Variants in ZNF432 observed in about 807,000 individuals in gnomAD.
ZNF432 encodes zinc finger protein 432.
A neutral mutation model predicts 13.9 loss-of-function variants in ZNF432; 10 were observed. The observed-to-expected ratio is 0.72, with a 90% CI of 0.44 to 1.22. ZNF432 has a LOEUF of 1.22. Ranked by LOEUF, ZNF432 falls within the 50% of genes most tolerant of loss-of-function variation. The probability of loss-of-function intolerance (pLI) is 0.00; values close to 1 mark genes in which losing one functional copy is unlikely to be tolerated. For synonymous variants in ZNF432, 247 were observed against 256.2 expected (o/e 0.96, Z 0.34); for missense variants, 793 against 796.2 (o/e 1.00, Z 0.05).
intron 2 of ZNF432, among the ~76,000 whole-genome samples, chr19:52,044,471 TA>T (rs1179669486): frequency 1.3e-5 from 2 of 151,738 alleles, no homozygotes; most frequent in Non-Finnish European, 1.5e-5. Flanking sequence ...AATGACAGGC[TA>T]AAAAAAACTT....
chr19:52,035,518 GGT>G (rs2123146851), intron 4 of ZNF432, 78 bp from the exon 5 acceptor site: 1 of 1,199,758 alleles, frequency 8.3e-7, no homozygotes, highest in South Asian at 1.8e-5. Context: ...AAAAATCCTT[GGT>G]GTTTTATTTT....
At chr19:52,041,068 T>C (rs1451411256) in intron 3 of ZNF432, among the ~76,000 whole-genome samples, 1 of 151,918 alleles carries the variant, frequency 6.6e-6, no homozygotes, top group East Asian at 1.9e-4. Context: ...ACCACTACAT[T>C]CCAGCCTGAG....
rs185139354 is a variant in ZNF432 at position 52,032,293 on chromosome 19, A to T, written c.*1427T>A. ...TTGGCACAGAAAACACCTGTGTTAT[A>T]TATAGGATTAAAATTTAATCAGTGA... On this transcript the variant is annotated 3_prime_UTR_variant, in exon 5 of 5. Coordinates refer to ENST00000221315, the MANE Select transcript of ZNF432 (RefSeq NM_014650.4). 1 of 152,286 alleles carries T rather than the reference A, an allele frequency of 6.6e-6. No individual in the cohort carries two copies. The highest frequency in any genetic ancestry group is 1.9e-4 in the East Asian group (1 of 5,180). 9.4% of individuals were successfully genotyped at this position (152,286 alleles called of 1,614,324 possible). A position where few individuals can be genotyped will look rare whatever the true frequency, so the allele number is the denominator to read the frequency against.
Position 52,034,431 on chromosome 19 carries a change from A to G in ZNF432, c.1248T>C (p.Leu416=), listed in dbSNP as rs1485213781. The part of the protein sequence containing the change: ...CGKGFPRKSN[L]IVHQRNHTVE... ...CTGTATGATTTCTCTGATGTACAATAAGATTACTCTTCCTGGGAAAGCCTT... is the reference window on the plus strand; with the variant it reads ...CTGTATGATTTCTCTGATGTACAATGAGATTACTCTTCCTGGGAAAGCCTT... The change falls in exon 5 of 5, where the codon CTT becomes CTC. Residue 416 remains leucine (L), a synonymous_variant. Coordinates refer to ENST00000221315, the MANE Select transcript of ZNF432 (RefSeq NM_014650.4). 2 of 1,612,454 alleles carry G rather than the reference A, an allele frequency of 1.2e-6. No homozygotes were observed. The highest frequency in any genetic ancestry group is 1.1e-5 in the South Asian group (1 of 90,980).
chr19:52,034,720 C>A lies in ZNF432; in HGVS notation c.959G>T (p.Ser320Ile). Residue 320 changes from serine to isoleucine, a missense_variant, in exon 5 of 5, where the codon AGT (serine) becomes ATT (isoleucine). Ser to Ile is a moderately radical substitution (Grantham distance 142, BLOSUM62 -2). Transcript: ENST00000221315. ...NHTGEKSYICSECGKGFTGKS... is the reference protein window; with the variant it reads ...NHTGEKSYICIECGKGFTGKS... ...CCCAGTGAAGCCTTTTCCACATTCA[C>A]TACATATATAGGATTTCTCTCCAGT... The A allele has an allele frequency of 6.2e-7, 1 of 1,613,836 alleles. No homozygotes were observed. Among genetic ancestry groups the A allele is most frequent in the East Asian group, 2.2e-5 (1 of 44,854 alleles).
At chr19:52,043,761 C>T (rs7408572) in intron 2 of ZNF432, among the ~76,000 whole-genome samples, 1 of 152,226 alleles carries the variant, frequency 6.6e-6, no homozygotes, top group South Asian at 2.1e-4. Context: ...TTGTAAAGCA[C>T]TGAGATGTTT....
At position 52,035,344 on chromosome 19, in the gene ZNF432, T is replaced by C. The variant is rs1382667930; in HGVS notation, c.335A>G (p.Asn112Ser). ...AAGGCTTTTGGTTTGAGAGGCAGTA[T>C]TTCCAAATGCATTATGTTCATGGTA... ...EQYHEHNAFG[N>S]TASQTKSLCL... Residue 112 changes from asparagine to serine, a missense_variant, in exon 5 of 5, where the codon AAT (asparagine) becomes AGT (serine). By Grantham distance (46) the Asn-to-Ser change is conservative. Coordinates refer to ENST00000221315, the MANE Select transcript of ZNF432 (RefSeq NM_014650.4). The C allele has an allele frequency of 6.2e-7, 1 of 1,612,618 alleles. No individual in the cohort carries two copies. Among genetic ancestry groups the C allele is most frequent in the Admixed American group, 1.7e-5 (1 of 59,710 alleles).
At chr19:52,041,653 C>A in intron 2 of ZNF432, 47 bp from the exon 3 acceptor site, 1 of 1,612,436 alleles carries the variant, frequency 6.2e-7, no homozygotes, top group East Asian at 2.2e-5. Flanking sequence ...TTCTCTTTTA[C>A]TGACATGAAA....
intron 4 of ZNF432, among the ~76,000 whole-genome samples, chr19:52,036,101 AT>A (rs1436822922): frequency 6.6e-6 from 1 of 152,204 alleles, no homozygotes; most frequent in Non-Finnish European, 1.5e-5. Flanking sequence ...ATTCCACAAA[AT>A]TTTGGGAGAC....
chr19:52,043,317 AT>A (rs2087152835), intron 2 of ZNF432, among the ~76,000 whole-genome samples: 1 of 152,236 alleles, frequency 6.6e-6, no homozygotes, highest in South Asian at 2.1e-4. Context: ...GGTTAAATGG[AT>A]TAAGGGCGGT....
rs3138637 is a variant in ZNF432 at position 52,048,128 on chromosome 19, AACACACACAC to A, written c.-193+557_-193+566del. Among the ~76,000 whole-genome samples the A allele has an allele frequency of 7.8e-3, 802 of 103,412 alleles. 2 individuals are homozygous for A. Among genetic ancestry groups the A allele is most frequent in the Non-Finnish European group, 9.1e-3 (451 of 49,560 alleles). The allele number at this position is 103,412 out of a possible 152,430, so 67.8% of individuals were successfully genotyped here. A position where few individuals can be genotyped will look rare whatever the true frequency, so the allele number is the denominator to read the frequency against. ...TCTGTTCCAGCCAAAGTTTGAGCTC[AACACACACAC>A]ACACACACACACACACACACACACA... On this transcript the variant is annotated intron_variant, in intron 1 of 4. Transcript: ENST00000221315.
intron 1 of ZNF432, among the ~76,000 whole-genome samples, chr19:52,047,967 C>G (rs1022493893): frequency 1.3e-5 from 2 of 152,024 alleles, no homozygotes; most frequent in African/African-American, 4.8e-5. Context: ...CATCCGCCCC[C>G]CTTCACCCCC....
At chr19:52,044,867 A>T (rs1600055294) in intron 2 of ZNF432, among the ~76,000 whole-genome samples, 1 of 152,294 alleles carries the variant, frequency 6.6e-6, no homozygotes, top group East Asian at 1.9e-4. Context: ...TCTTCAATTA[A>T]TTGCAGTGAT....
At position 52,032,519 on chromosome 19, in the gene ZNF432, C is replaced by T. The variant is rs1423698822; in HGVS notation, c.*1201G>A. 1 of 151,058 alleles carries T rather than the reference C, an allele frequency of 6.6e-6. No homozygotes were observed. Among genetic ancestry groups the T allele is most frequent in the Non-Finnish European group, 1.5e-5 (1 of 67,906 alleles). 9.4% of individuals were successfully genotyped at this position (151,058 alleles called of 1,614,324 possible). A position where few individuals can be genotyped will look rare whatever the true frequency, so the allele number is the denominator to read the frequency against. ...TGGCGCAATCTTGGCTCACTGAAAC[C>T]TCTGCCTCCCAGGTTCAAGTGATTC... On this transcript the variant is annotated 3_prime_UTR_variant, in exon 5 of 5. Transcript: ENST00000221315.
intron 4 of ZNF432, among the ~76,000 whole-genome samples, chr19:52,038,518 G>A (rs752852160): frequency 5.3e-5 from 8 of 152,108 alleles, no homozygotes; most frequent in Admixed American, 1.3e-4. Context: ...TCAAACTCCC[G>A]ACCTCAGGTG....
chr19:52,044,794 T>C (rs1007315688), intron 2 of ZNF432, among the ~76,000 whole-genome samples: 1 of 152,262 alleles, frequency 6.6e-6, no homozygotes, highest in South Asian at 2.1e-4. Flanking sequence ...CTAAATACTT[T>C]ACATAGTTTA....
At chr19:52,037,354 A>G (rs1312284080) in intron 4 of ZNF432, among the ~76,000 whole-genome samples, 1 of 152,204 alleles carries the variant, frequency 6.6e-6, no homozygotes, top group African/African-American at 2.4e-5. Flanking sequence ...GCGTTATCAT[A>G]TGTTTCATTA....
intron 2 of ZNF432, among the ~76,000 whole-genome samples, chr19:52,046,063 T>G (rs549174018): frequency 6.7e-6 from 1 of 149,326 alleles, no homozygotes; most frequent in East Asian, 2.0e-4. Context: ...GTAATTTATG[T>G]AATTACAAAA....
chr19:52,047,196 T>C (rs1188068314), intron 1 of ZNF432, 136 bp from the exon 2 acceptor site: 1 of 341,678 alleles, frequency 2.9e-6, no homozygotes, highest in Non-Finnish European at 5.3e-6. Flanking sequence ...TTCGGTGAAG[T>C]GTGGAAGTAA....
Sources: allele counts gnomAD v4.1 joint callset (sites outside exome capture counted in the v4.1 genomes callset), GRCh38; gene constraint gnomAD v4.1.1; transcripts MANE v1.5; gene names NCBI Gene and HGNC (gene_info 2026-07-23, HGNC 2026-07-21).